The following SRBD1 variants were observed in gnomAD, a reference collection of about 807,000 sequenced individuals.
The protein encoded by SRBD1 is S1 RNA-binding domain-containing protein 1.
A neutral mutation model predicts 115.3 loss-of-function variants in SRBD1; 88 were observed. The ratio of observed to expected loss-of-function variants is 0.76; its 90% CI spans 0.64 to 0.91. The LOEUF (loss-of-function observed/expected upper bound fraction) is 0.91, where lower values mean the gene tolerates loss of function less well. SRBD1 is among the 40% of genes least tolerant of loss of function. The pLI, the probability that SRBD1 is intolerant of heterozygous loss-of-function variation, is 0.00. For synonymous variants in SRBD1, 509 were observed against 407.7 expected (o/e 1.25, Z -2.99); for missense variants, 1,385 against 1,177.4 (o/e 1.18, Z -2.58).
chr2:45,416,362 C>T (rs1667832050), intron 18 of SRBD1, among the ~76,000 whole-genome samples: 2 of 152,034 alleles, frequency 1.3e-5, no homozygotes, highest in African/African-American at 4.8e-5. Context: ...TCTGAATAAA[C>T]CTATAGTTCA....
At chr2:45,454,247 G>T (rs986179926) in intron 16 of SRBD1, among the ~76,000 whole-genome samples, 1 of 151,834 alleles carries the variant, frequency 6.6e-6, no homozygotes, top group Non-Finnish European at 1.5e-5. Context: ...GTGTAAGATC[G>T]TGGTACTGTG....
chr2:45,585,451 T>TC (rs1420979923), intron 5 of SRBD1, among the ~76,000 whole-genome samples, 157 bp downstream of exon 5: 1 of 152,146 alleles, frequency 6.6e-6, no homozygotes, highest in Non-Finnish European at 1.5e-5. Context: ...GCAGAGGGAC[T>TC]CCATACACTC....
intron 14 of SRBD1, among the ~76,000 whole-genome samples, chr2:45,530,097 G>C (rs184706195): frequency 6.6e-6 from 1 of 151,946 alleles, no homozygotes; most frequent in African/African-American, 2.4e-5. Context: ...CCTAGATTGA[G>C]GAAAACCATT....
intron 16 of SRBD1, chr2:45,447,092 T>C (rs1000737644): frequency 1.3e-5 from 2 of 152,244 alleles, no homozygotes; most frequent in African/African-American, 4.8e-5. Context: ...TTAAAGAGTT[T>C]AAAGCAGAAA....
chr2:45,425,008 CTGT>C (rs1668110731), intron 16 of SRBD1, among the ~76,000 whole-genome samples: 1 of 152,210 alleles, frequency 6.6e-6, no homozygotes, highest in Admixed American at 6.5e-5. Flanking sequence ...CATTGAGAGA[CTGT>C]TTCTTCATTG....
In SRBD1 at chr2:45,433,665, G is replaced by C. The variant is rs571744583; in HGVS notation, c.2050-13771C>G. ...GCTCCTCCTCCAATTAATCAAATCC[G>C]GTAAACAAGAGGTCTTTATATACTC... On this transcript the variant is annotated intron_variant, in intron 16 of 20. Coordinates refer to ENST00000263736, the MANE Select transcript of SRBD1 (RefSeq NM_018079.5). Among the ~76,000 whole-genome samples the C allele has an allele frequency of 2.0e-5, 3 of 152,038 alleles. No homozygotes were observed. In the South Asian group the frequency reaches 6.2e-4, roughly 31 times the overall value.
intron 14 of SRBD1, among the ~76,000 whole-genome samples, chr2:45,519,097 T>C (rs1053828842): frequency 6.6e-6 from 1 of 150,544 alleles, no homozygotes; most frequent in Admixed American, 6.6e-5. Context: ...GGAGTGACTA[T>C]AAGCTATAAT....
chr2:45,424,943 T>TG (rs1444934105), intron 16 of SRBD1, among the ~76,000 whole-genome samples: 2 of 152,216 alleles, frequency 1.3e-5, no homozygotes, highest in African/African-American at 4.8e-5. Context: ...CACTGTATCA[T>TG]GGGATGGCAC....
At chr2:45,499,408 T>C (rs1010144060) in intron 14 of SRBD1, among the ~76,000 whole-genome samples, 18 of 152,156 alleles carry the variant, frequency 1.2e-4, no homozygotes, top group African/African-American at 4.3e-4. Context: ...TATTAATCCC[T>C]TTGTGATAGT....
In SRBD1 at chr2:45,530,955, G is replaced by C. The variant is rs370638096; in HGVS notation, c.1874+15777C>G. On this transcript the variant is annotated intron_variant, in intron 14 of 20. Transcript: ENST00000263736. ...GTCTCAAAAACAAAAACAAAACAAAGACAAATGGGCAAGATGTACCTCTCC... is the reference window on the plus strand; with the variant it reads ...GTCTCAAAAACAAAAACAAAACAAACACAAATGGGCAAGATGTACCTCTCC... Among the ~76,000 whole-genome samples the C allele has an allele frequency of 6.9e-4, 102 of 148,074 alleles. 1 individual carries two copies. Among genetic ancestry groups the C allele is most frequent in the African/African-American group, 2.4e-3 (97 of 41,228 alleles).
intron 4 of SRBD1, among the ~76,000 whole-genome samples, chr2:45,593,292 C>T (rs1012079647): frequency 6.6e-6 from 1 of 152,128 alleles, no homozygotes; most frequent in South Asian, 2.1e-4. Flanking sequence ...AAAAAGTAAA[C>T]TGCCCAAAAT....
intron 14 of SRBD1, among the ~76,000 whole-genome samples, chr2:45,510,931 A>G (rs1393651424): frequency 6.6e-6 from 1 of 152,226 alleles, no homozygotes; most frequent in African/African-American, 2.4e-5. Flanking sequence ...GAACAAATAC[A>G]AAGAAAAAAA....
intron 19 of SRBD1, among the ~76,000 whole-genome samples, chr2:45,394,356 T>C (rs1667085312): frequency 6.6e-6 from 1 of 152,206 alleles, no homozygotes; most frequent in Admixed American, 6.5e-5. Context: ...TTGACATTCC[T>C]TGGCTGGGTA....
chr2:45,544,603 T>C (rs758711435), intron 14 of SRBD1, among the ~76,000 whole-genome samples: 17 of 152,154 alleles, frequency 1.1e-4, no homozygotes, highest in Non-Finnish European at 2.2e-4. Flanking sequence ...CCACAATACA[T>C]AGATTTTACA....
At chr2:45,590,528 G>C (rs1673687834) in intron 4 of SRBD1, among the ~76,000 whole-genome samples, 1 of 152,088 alleles carries the variant, frequency 6.6e-6, no homozygotes, top group African/African-American at 2.4e-5. Flanking sequence ...TGAATCAAAG[G>C]GGTGGTTTTC....
chr2:45,548,767 A>G (rs1266863028), intron 12 of SRBD1, among the ~76,000 whole-genome samples: 1 of 152,108 alleles, frequency 6.6e-6, no homozygotes, highest in Admixed American at 6.5e-5. Flanking sequence ...TGTAAAATGA[A>G]CAGCATAAAA....
intron 19 of SRBD1, among the ~76,000 whole-genome samples, chr2:45,396,902 C>A (rs1419025849): frequency 6.6e-6 from 1 of 152,080 alleles, no homozygotes; most frequent in Admixed American, 6.6e-5. Context: ...ACTTTAAAAA[C>A]AACTTAATAT....
chr2:45,587,758 A>G (rs1015173535), intron 4 of SRBD1, among the ~76,000 whole-genome samples: 5 of 152,178 alleles, frequency 3.3e-5, no homozygotes, highest in Admixed American at 1.3e-4. Context: ...AAGAAAGCCA[A>G]TTTCACATTT....
chr2:45,520,092 AATTAC>A (rs1427468681), intron 14 of SRBD1, among the ~76,000 whole-genome samples: 3 of 152,202 alleles, frequency 2.0e-5, no homozygotes, highest in Non-Finnish European at 2.9e-5. Flanking sequence ...AAAAATAGAA[AATTAC>A]ATCCCAGGCA....
Sources: gnomAD v4.1 joint callset for allele counts (sites outside exome capture counted in the v4.1 genomes callset) on GRCh38, gnomAD v4.1.1 for gene constraint, MANE v1.5 for transcripts, NCBI Gene and HGNC (gene_info 2026-07-23, HGNC 2026-07-21) for gene names.